Variants in WDR36 observed in about 807,000 individuals in gnomAD.
WDR36 encodes WD repeat-containing protein 36.
In WDR36, 63 loss-of-function variants were observed where a neutral mutation model predicts 112.7. The ratio of observed to expected loss-of-function variants is 0.56; its 90% CI spans 0.46 to 0.69. The LOEUF (loss-of-function observed/expected upper bound fraction) is 0.69, where lower values mean the gene tolerates loss of function less well. Among genes scored for constraint, WDR36 ranks in the 30% least tolerant of loss-of-function variants. The pLI is 0.00. For missense variants in WDR36, 1,226 were observed against 1,070.3 expected (o/e 1.15, Z -2.03); for synonymous variants, 410 against 362.2 (o/e 1.13, Z -1.50).
intron 5 of WDR36, among the ~76,000 whole-genome samples, chr5:111,102,090 C>T (rs927274515): frequency 1.3e-5 from 2 of 150,906 alleles, no homozygotes; most frequent in African/African-American, 2.4e-5. Flanking sequence ...GATTTTTACA[C>T]ACGTATTTTT....
In WDR36 at chr5:111,104,689, C is replaced by A. The variant is rs79464885; in HGVS notation, c.907-8C>A. ...TGTAGAAGAACTGACGTTTTTATTT[C>A]TTGGCAGATATGGATATTTGATGGT... On this transcript the variant is annotated splice_polypyrimidine_tract_variant and splice_region_variant and intron_variant, in intron 8 of 22. Transcript: ENST00000513710. 2 of 1,610,748 alleles carry A rather than the reference C, an allele frequency of 1.2e-6. No homozygotes were observed. The highest frequency in any genetic ancestry group is 2.2e-5 in the South Asian group (2 of 91,042).
chr5:111,098,986 A>G (rs572189069), intron 4 of WDR36, 147 bp downstream of exon 4: 2 of 640,922 alleles, frequency 3.1e-6, no homozygotes, highest in Admixed American at 5.6e-5. Context: ...TGTAAGAAAA[A>G]AAGTTCTAAG....
In WDR36 at chr5:111,105,486, G is replaced by T. The variant is rs1352635946; in HGVS notation, c.1093+126G>T. On this transcript the variant is annotated intron_variant, in intron 10 of 22. Transcript: ENST00000513710. ...TTGGATGAACTAGATAAACATGTAT[G>T]GAAGAGGTAGTAAGATTCCTAGCAT... The T allele has an allele frequency of 4.8e-6, 4 of 841,868 alleles. No individual in the cohort carries two copies. The African/African-American group carries it at 6.8e-5, about 14-fold the overall frequency. 52.1% of individuals were successfully genotyped at this position (841,868 alleles called of 1,614,324 possible).
intron 12 of WDR36, among the ~76,000 whole-genome samples, chr5:111,108,939 G>C (rs1221630922): frequency 6.6e-6 from 1 of 151,320 alleles, no homozygotes; most frequent in African/African-American, 2.4e-5. Flanking sequence ...CTGGAGCAAA[G>C]CTAGTAACCA....
At chr5:111,105,271 G>A (rs1753201927) in intron 9 of WDR36, 24 bp from the exon 10 acceptor site, 1 of 1,605,126 alleles carries the variant, frequency 6.2e-7, no homozygotes, top group South Asian at 1.1e-5. Context: ...AGCTTGATTA[G>A]GGATTTTCTG....
intron 13 of WDR36, 49 bp downstream of exon 13, chr5:111,110,352 C>A: frequency 7.0e-7 from 1 of 1,427,212 alleles, no homozygotes. Context: ...AGATACAAAA[C>A]TAGTAGTGAA....
chr5:111,105,909 C>T (rs1489489028), intron 10 of WDR36, 148 bp from the exon 11 acceptor site: 2 of 635,956 alleles, frequency 3.1e-6, no homozygotes, highest in Admixed American at 2.9e-5. Context: ...TAAAAAATAA[C>T]AGTGGTAATA....
intron 7 of WDR36, 44 bp downstream of exon 7, chr5:111,103,962 A>G (rs1372961753): frequency 1.2e-6 from 2 of 1,605,334 alleles, no homozygotes; most frequent in Non-Finnish European, 1.7e-6. Context: ...GAACACTTAA[A>G]ATTCATTACT....
In WDR36 at chr5:111,124,670, G is replaced by A. The variant is rs113778030; in HGVS notation, c.2350+481G>A. On this transcript the variant is annotated intron_variant, in intron 21 of 22. Transcript: ENST00000513710. ...GTGTTCATATATTTAAATTTCGAAG[G>A]CTACAGTCTGTAGCTAATAGTGATT... Among the ~76,000 whole-genome samples, 1,449 of 152,098 alleles carry A rather than the reference G, an allele frequency of 9.5e-3. 19 individuals are homozygous for A. Among genetic ancestry groups the A allele is most frequent in the African/African-American group, 0.034 (1,404 of 41,490 alleles).
Position 111,125,748 on chromosome 5 carries a change from A to G in WDR36, c.2491A>G (p.Lys831Glu). 1 of 1,613,882 alleles carries G rather than the reference A, an allele frequency of 6.2e-7. No individual in the cohort carries two copies. Among genetic ancestry groups the G allele is most frequent in the Non-Finnish European group, 8.5e-7 (1 of 1,179,836 alleles). The change falls in exon 22 of 23, where the codon AAG becomes GAG. Residue 831 changes from lysine (K) to glutamate (E), a missense_variant. Lys to Glu is a moderately conservative substitution (Grantham distance 56, BLOSUM62 1). Coordinates refer to ENST00000513710, the MANE Select transcript of WDR36 (RefSeq NM_139281.3). ...AATGATTGGGATGATGCTGGACAGAAAGCGTGATTTTGAGTTAGCCCAGGC... is the reference window on the plus strand; with the variant it reads ...AATGATTGGGATGATGCTGGACAGAGAGCGTGATTTTGAGTTAGCCCAGGC... The part of the protein sequence containing the change: ...LKMIGMMLDR[K>E]RDFELAQAYL...
At chr5:111,113,254 A>T in intron 16 of WDR36, 101 bp downstream of exon 16, 1 of 642,164 alleles carries the variant, frequency 1.6e-6, no homozygotes, top group Non-Finnish European at 2.7e-6. Flanking sequence ...TGCTTTTTCA[A>T]TGTGACTATA....
At chr5:111,114,220 G>A (rs1315568156) in intron 16 of WDR36, among the ~76,000 whole-genome samples, 1 of 152,114 alleles carries the variant, frequency 6.6e-6, no homozygotes, top group Non-Finnish European at 1.5e-5. Context: ...TTTAACATAG[G>A]ATTGCTTAGA....
chr5:111,107,062 A>T (rs954519950), intron 11 of WDR36, among the ~76,000 whole-genome samples: 1 of 151,370 alleles, frequency 6.6e-6, no homozygotes, highest in African/African-American at 2.4e-5. Context: ...CCGTTCCACA[A>T]TGTATACATA....
Position 111,104,250 on chromosome 5 carries a change from A to T in WDR36, c.804A>T (p.Leu268Phe), listed in dbSNP as rs753659589. 6 of 1,612,046 alleles carry T rather than the reference A, an allele frequency of 3.7e-6. No homozygotes were observed. Among genetic ancestry groups the T allele is most frequent in the Admixed American group, 1.7e-5 (1 of 59,794 alleles). ...TCTGGGATCTAGAAGACAAAAAATT[A>T]ATCAACCAAATGAGAAATGCACACT... ...IGLWDLEDKK[L>F]INQMRNAHST... The change falls in exon 8 of 23, where the codon TTA becomes TTT. Residue 268 changes from leucine to phenylalanine, a missense_variant. Coordinates refer to ENST00000513710, the MANE Select transcript of WDR36 (RefSeq NM_139281.3).
chr5:111,123,829 C>A lies in WDR36; in HGVS notation c.2173C>A (p.Pro725Thr). ...GAAAAAGAATAAACCAAAGGAACCA[C>A]CCAAAGTACCCAAATCAGCACCATT... The part of the protein sequence containing the change: ...IKKKNKPKEP[P>T]KVPKSAPFFI... Residue 725 changes from proline (P) to threonine (T), a missense_variant, in exon 20 of 23, where the codon CCC (proline) becomes ACC (threonine). Pro to Thr is a conservative substitution (Grantham distance 38, BLOSUM62 -1). Transcript: ENST00000513710. 1 of 1,613,800 alleles carries A rather than the reference C, an allele frequency of 6.2e-7. No homozygotes were observed. The highest frequency in any genetic ancestry group is 8.5e-7 in the Non-Finnish European group (1 of 1,179,860).
chr5:111,110,354 A>G (rs1753301274), intron 13 of WDR36, 51 bp downstream of exon 13: 1 of 1,407,344 alleles, frequency 7.1e-7, no homozygotes, highest in Non-Finnish European at 1.0e-6. Flanking sequence ...ATACAAAACT[A>G]GTAGTGAAAG....
In WDR36 at chr5:111,129,215, C is replaced by T. The variant is rs1753736217; in HGVS notation, c.*2332C>T. 1 of 196,886 alleles carries T rather than the reference C, an allele frequency of 5.1e-6. No homozygotes were observed. The highest frequency in any genetic ancestry group is 1.1e-5 in the Non-Finnish European group (1 of 95,040). 12.2% of individuals were successfully genotyped at this position (196,886 alleles called of 1,614,324 possible). On this transcript the variant is annotated 3_prime_UTR_variant, in exon 23 of 23. Transcript: ENST00000513710. ...CAATGCTGAAAGGAACATCATCCTACATGAGCCCTTTTTGTACATATAAGG... is the reference window on the plus strand; with the variant it reads ...CAATGCTGAAAGGAACATCATCCTATATGAGCCCTTTTTGTACATATAAGG...
intron 11 of WDR36, among the ~76,000 whole-genome samples, chr5:111,106,639 GTTA>G (rs1753226514): frequency 6.6e-6 from 1 of 151,300 alleles, no homozygotes; most frequent in Non-Finnish European, 1.5e-5. Context: ...TTTGAAAGTT[GTTA>G]TTATGACCAC....
intron 2 of WDR36, 178 bp downstream of exon 2, chr5:111,095,125 T>C (rs1752948087): frequency 1.6e-6 from 1 of 610,846 alleles, no homozygotes; most frequent in Non-Finnish European, 2.9e-6. Context: ...TTAGTTGTTA[T>C]GTATCTTTAT....
Sources: allele counts gnomAD v4.1 joint callset (sites outside exome capture counted in the v4.1 genomes callset), GRCh38; gene constraint gnomAD v4.1.1; transcripts MANE v1.5; gene names NCBI Gene and HGNC (gene_info 2026-07-23, HGNC 2026-07-21).